CNTNAP2: variants seen among roughly 807,000 people sequenced by gnomAD.
The protein encoded by CNTNAP2 is contactin-associated protein-like 2.
In CNTNAP2, 98 loss-of-function variants were observed where a neutral mutation model predicts 155.2. That is an observed-to-expected ratio of 0.63 (90% CI 0.54 to 0.75). The LOEUF (loss-of-function observed/expected upper bound fraction) is 0.75, where lower values mean the gene tolerates loss of function less well. Ranked by LOEUF, CNTNAP2 falls within the 30% of genes least tolerant of loss-of-function variation. CNTNAP2 has a pLI of 0.00. For synonymous variants in CNTNAP2, 651 were observed against 631.2 expected (o/e 1.03, Z -0.47); for missense variants, 1,727 against 1,688.1 (o/e 1.02, Z -0.40).
At position 146,356,203 on chromosome 7, in the gene CNTNAP2, G is replaced by A. The variant is rs112977988; in HGVS notation, c.97+239230G>A. 2.5e-3 allele frequency among the ~76,000 whole-genome samples: 385 copies of A among 152,118 alleles called. 4 individuals are homozygous for A. Among genetic ancestry groups the A allele is most frequent in the African/African-American group, 8.7e-3 (360 of 41,512 alleles). ...ATGTACTCGCAAACCGTACATTGTT[G>A]TTTAAAGTTCTTCAATAAGAGATTC... On this transcript the variant is annotated intron_variant, in intron 1 of 23. Transcript: ENST00000361727.
intron 3 of CNTNAP2, among the ~76,000 whole-genome samples, chr7:146,866,114 T>C (rs2129206264): frequency 6.6e-6 from 1 of 152,268 alleles, no homozygotes; most frequent in South Asian, 2.1e-4. Context: ...TGCTGTATCA[T>C]TCCAATGTTC....
In CNTNAP2 at chr7:148,063,812, T is replaced by C. The variant is rs540351871; in HGVS notation, c.2384-54306T>C. On this transcript the variant is annotated intron_variant, in intron 15 of 23. Transcript: ENST00000361727. ...GTCATGAAGTCTTTGCCTAAGCCAA[T>C]GTCTAGAAGGGTTTTTCTGATGTTA... Among the ~76,000 whole-genome samples the C allele has an allele frequency of 3.9e-5, 6 of 152,210 alleles. No homozygotes were observed. The East Asian group carries it at 1.2e-3, about 29-fold the overall frequency.
At chr7:147,174,567 G>A (rs2116484087) in intron 8 of CNTNAP2, among the ~76,000 whole-genome samples, 1 of 152,240 alleles carries the variant, frequency 6.6e-6, no homozygotes, top group South Asian at 2.1e-4. Context: ...CCGTGACTTA[G>A]AAACTCTATA....
intron 1 of CNTNAP2, among the ~76,000 whole-genome samples, chr7:146,412,096 G>A (rs1795874955): frequency 6.6e-6 from 1 of 152,094 alleles, no homozygotes; most frequent in Non-Finnish European, 1.5e-5. Context: ...GCCTCCCAAA[G>A]TGCTGGGATT....
chr7:147,004,212 CAAA>C (rs71525979), intron 3 of CNTNAP2, among the ~76,000 whole-genome samples: 30 of 97,722 alleles, frequency 3.1e-4, no homozygotes, highest in African/African-American at 1.1e-3. Flanking sequence ...ACTCATATAC[CAAA>C]AAAAAAAAAA....
chr7:147,672,686 C>T (rs181946926), intron 13 of CNTNAP2: 1 of 152,326 alleles, frequency 6.6e-6, no homozygotes, highest in East Asian at 1.9e-4. Flanking sequence ...GACTTCAAAA[C>T]ATTACCTTCC....
At position 148,115,768 on chromosome 7, in the gene CNTNAP2, A is replaced by G. The variant is rs556442448; in HGVS notation, c.2384-2350A>G. Among the ~76,000 whole-genome samples, 8 of 151,990 alleles carry G rather than the reference A, an allele frequency of 5.3e-5. No homozygotes were observed. The South Asian group carries it at 6.2e-4, about 12-fold the overall frequency. ...AGTAGCCTACACTACATCATACAAT[A>G]TTCTCCTCCCCAAGAAGAAAGCAAC... On this transcript the variant is annotated intron_variant, in intron 15 of 23. Transcript: ENST00000361727.
chr7:146,379,870 C>T lies in CNTNAP2; in HGVS notation c.97+262897C>T, dbSNP rs1795357087. On this transcript the variant is annotated intron_variant, in intron 1 of 23. Transcript: ENST00000361727. ...GCTTTGTAAAAGAAAAAAAAAGACA[C>T]TTCCATAACAGAATTTTTTTGTAGC... Among the ~76,000 whole-genome samples the T allele has an allele frequency of 2.0e-5, 3 of 152,130 alleles. No homozygotes were observed. In the South Asian group the frequency reaches 6.2e-4, roughly 31 times the overall value.
At chr7:147,020,996 G>A (rs78646586) in intron 3 of CNTNAP2, among the ~76,000 whole-genome samples, 1,652 of 152,094 alleles carry the variant, frequency 0.011, 39 homozygotes, top group African/African-American at 0.037. Flanking sequence ...CCCAGTACCC[G>A]AGGTTTTGGA....
chr7:146,627,800 T>G (rs1799444727), intron 1 of CNTNAP2, among the ~76,000 whole-genome samples: 1 of 152,140 alleles, frequency 6.6e-6, no homozygotes, highest in African/African-American at 2.4e-5. Flanking sequence ...GCATGAAAAT[T>G]TAGAAAACTG....
In CNTNAP2 at chr7:148,161,864, C is replaced by T. The variant is rs531714408; in HGVS notation, c.2774-10378C>T. Among the ~76,000 whole-genome samples the T allele has an allele frequency of 9.8e-5, 15 of 152,310 alleles. No individual in the cohort carries two copies. In the South Asian group the frequency reaches 1.2e-3, roughly 13 times the overall value. The stretch of plus-strand genomic sequence containing the variant: ...TGTTTTCTCAGCCTCTCTGCCAACT[C>T]GCCTCCCTTTTCCCTTTTCCTCAAT... On this transcript the variant is annotated intron_variant, in intron 17 of 23. Coordinates refer to ENST00000361727, the MANE Select transcript of CNTNAP2 (RefSeq NM_014141.6).
intron 1 of CNTNAP2, among the ~76,000 whole-genome samples, chr7:146,442,813 C>T (rs1796339218): frequency 6.6e-6 from 1 of 152,110 alleles, no homozygotes; most frequent in Admixed American, 6.6e-5. Flanking sequence ...TGAGTGTAAG[C>T]ACTAAGCATT....
chr7:146,247,689 A>G (rs148572919), intron 1 of CNTNAP2, among the ~76,000 whole-genome samples: 3,853 of 152,232 alleles, frequency 0.025, 160 homozygotes, highest in African/African-American at 0.089. Flanking sequence ...GCTATTTGGA[A>G]CTACTGTCGA....
chr7:147,871,849 A>G (rs1020980689), intron 13 of CNTNAP2, among the ~76,000 whole-genome samples: 6 of 152,116 alleles, frequency 3.9e-5, no homozygotes, highest in African/African-American at 1.4e-4. Context: ...CATCTGCTTC[A>G]ATGATCTCTG....
chr7:148,259,475 G>A (rs539478938), intron 20 of CNTNAP2, among the ~76,000 whole-genome samples: 81 of 151,990 alleles, frequency 5.3e-4, no homozygotes, highest in African/African-American at 1.9e-3. Flanking sequence ...ATTCAATATC[G>A]CTGAGCTAAT....
intron 9 of CNTNAP2, among the ~76,000 whole-genome samples, chr7:147,375,626 G>C (rs888944611): frequency 9.2e-5 from 14 of 152,098 alleles, no homozygotes; most frequent in African/African-American, 3.4e-4. Context: ...TCTGCCTCTT[G>C]ATTTTGAGCC....
chr7:146,989,551 A>G (rs1798173131), intron 3 of CNTNAP2, among the ~76,000 whole-genome samples: 1 of 149,300 alleles, frequency 6.7e-6, no homozygotes, highest in African/African-American at 2.5e-5. Flanking sequence ...CAAACCCACA[A>G]AAAGCTATTA....
intron 1 of CNTNAP2, among the ~76,000 whole-genome samples, chr7:146,559,487 G>A (rs1028163946): frequency 2.0e-5 from 3 of 151,830 alleles, no homozygotes; most frequent in Non-Finnish European, 4.4e-5. Flanking sequence ...AGAATCACTT[G>A]AACCCGGGAG....
intron 2 of CNTNAP2, among the ~76,000 whole-genome samples, chr7:146,802,696 C>G (rs937264786): frequency 4.4e-4 from 67 of 152,258 alleles, no homozygotes; most frequent in African/African-American, 1.6e-3. Flanking sequence ...AGCCCTGGTT[C>G]CTGTATAGCC....
Sources: gnomAD v4.1 joint callset for allele counts (sites outside exome capture counted in the v4.1 genomes callset) on GRCh38, gnomAD v4.1.1 for gene constraint, MANE v1.5 for transcripts, NCBI Gene and HGNC (gene_info 2026-07-23, HGNC 2026-07-21) for gene names.